CCDC33: variants seen among roughly 807,000 people sequenced by gnomAD.
CCDC33 encodes coiled-coil domain containing 33.
A neutral mutation model predicts 91.9 loss-of-function variants in CCDC33; 94 were observed. That is an observed-to-expected ratio of 1.02 (90% CI 0.87 to 1.21). The LOEUF (loss-of-function observed/expected upper bound fraction) is 1.21. CCDC33 is among the 50% of genes most tolerant of loss of function. The probability of loss-of-function intolerance (pLI) is 0.00; values close to 1 mark genes in which losing one functional copy is unlikely to be tolerated. For missense variants in CCDC33, 940 were observed against 935.5 expected, an observed-to-expected ratio of 1.00 and a Z score of -0.06; for synonymous variants, 396 against 374.5, an observed-to-expected ratio of 1.06 and a Z score of -0.66.
intron 11 of CCDC33, chr15:74,318,500 T>C: frequency 1.6e-6 from 1 of 610,956 alleles, no homozygotes; most frequent in Non-Finnish European, 2.9e-6. Flanking sequence ...TGCTTCCAGC[T>C]CAGGGCTGGG....
At chr15:74,335,488 C>T in intron 18 of CCDC33, 1 of 434,982 alleles carries the variant, frequency 2.3e-6, no homozygotes, top group Non-Finnish European at 4.2e-6. Context: ...ATTAGCACAC[C>T]CTTCTCAGAT....
chr15:74,298,457 A>G (rs1009960070), intron 11 of CCDC33, among the ~76,000 whole-genome samples: 1 of 152,214 alleles, frequency 6.6e-6, no homozygotes, highest in Non-Finnish European at 1.5e-5. Flanking sequence ...TTCTCTTAAG[A>G]ATTAAACCAA....
In CCDC33 at chr15:74,266,668, C is replaced by T; in HGVS notation, c.320-10C>T. 1.3e-6 allele frequency: 2 copies of T among 1,597,982 alleles called. No homozygotes were observed. Among genetic ancestry groups the T allele is most frequent in the Non-Finnish European group, 8.6e-7 (1 of 1,166,380 alleles). On this transcript the variant is annotated splice_polypyrimidine_tract_variant and intron_variant, in intron 3 of 18. Coordinates refer to ENST00000398814, the MANE Select transcript of CCDC33 (RefSeq NM_025055.5). Reference sequence around the variant, plus strand: ...AAAAATAAACCTGGGCTCATTTTTTCTCTTTCCAGATGTGATCCTCAAGGT... The same window carrying T: ...AAAAATAAACCTGGGCTCATTTTTTTTCTTTCCAGATGTGATCCTCAAGGT...
chr15:74,296,808 C>G (rs774798838), intron 11 of CCDC33, among the ~76,000 whole-genome samples: 31 of 152,040 alleles, frequency 2.0e-4, no homozygotes, highest in Non-Finnish European at 3.8e-4. Context: ...TTTCAGCCCT[C>G]GATGCAGAGA....
chr15:74,320,111 G>A (rs1445562170), intron 11 of CCDC33, among the ~76,000 whole-genome samples: 1 of 152,138 alleles, frequency 6.6e-6, no homozygotes, highest in African/African-American at 2.4e-5. Context: ...GGGGAACCAG[G>A]AGCAGAGACC....
At chr15:74,207,844 T>C in intron 1 of CCDC33, 1 of 1,531,882 alleles carries the variant, frequency 6.5e-7, no homozygotes, top group South Asian at 1.2e-5. Context: ...CGTGCTTAAT[T>C]CTGGCACCAG....
Position 74,268,380 on chromosome 15 carries a change from G to A in CCDC33, c.468G>A (p.Lys156=), listed in dbSNP as rs2076223352. 3.1e-6 allele frequency: 5 copies of A among 1,611,590 alleles called. No individual in the cohort carries two copies. Among genetic ancestry groups the A allele is most frequent in the Non-Finnish European group, 4.2e-6 (5 of 1,178,780 alleles). Reference sequence around the variant, plus strand: ...GGAAAGCCGATGAAGCCACTGCCAAGACCCAGTTGTACGCAACAGTCGTTC... The same window carrying A: ...GGAAAGCCGATGAAGCCACTGCCAAAACCCAGTTGTACGCAACAGTCGTTC... ...ESGKADEATA[K]TQLYATVVRK... is the part of the protein sequence containing the mutation. Residue 156 remains lysine (K), a synonymous_variant, in exon 5 of 19, where the codon AAG becomes AAA. Transcript: ENST00000398814.
At chr15:74,208,091 G>A (rs535788674) in intron 1 of CCDC33, 4 of 1,194,234 alleles carry the variant, frequency 3.3e-6, no homozygotes, top group Admixed American at 3.7e-5. Context: ...TATGAGGGTG[G>A]ACACTGGTGA....
chr15:74,273,660 G>T (rs1171770094), intron 7 of CCDC33, among the ~76,000 whole-genome samples: 2 of 150,986 alleles, frequency 1.3e-5, no homozygotes, highest in Non-Finnish European at 3.0e-5. Context: ...GTAGAGACAG[G>T]GTTTCACCAT....
chr15:74,224,127 A>G (rs2074708579), intron 2 of CCDC33, among the ~76,000 whole-genome samples: 1 of 152,092 alleles, frequency 6.6e-6, no homozygotes, highest in Admixed American at 6.5e-5. Context: ...AGGGGTGCAG[A>G]CCGGCACCAT....
At chr15:74,322,269 G>C in intron 11 of CCDC33, among the ~76,000 whole-genome samples, 1 of 152,222 alleles carries the variant, frequency 6.6e-6, no homozygotes. Flanking sequence ...CGGCACAGCA[G>C]GTCTAAGTCC....
intron 7 of CCDC33, among the ~76,000 whole-genome samples, chr15:74,278,521 G>A (rs1400303981): frequency 2.0e-5 from 3 of 152,356 alleles, no homozygotes; most frequent in Admixed American, 2.0e-4. Context: ...CCTGCTGGGA[G>A]TTATGGGCCG....
chr15:74,257,364 G>C (rs937806528), intron 2 of CCDC33, among the ~76,000 whole-genome samples: 1 of 152,194 alleles, frequency 6.6e-6, no homozygotes, highest in Non-Finnish European at 1.5e-5. Flanking sequence ...GCTGTTGTCT[G>C]GTGAAGCGGG....
At chr15:74,291,067 C>CT (rs138271715) in intron 10 of CCDC33, among the ~76,000 whole-genome samples, 8,070 of 152,304 alleles carry the variant, frequency 0.053, 562 homozygotes, top group African/African-American at 0.16. Flanking sequence ...TCTAACACCA[C>CT]TTCTGGCAAA....
chr15:74,310,935 G>C (rs2142742514), intron 11 of CCDC33, among the ~76,000 whole-genome samples: 1 of 152,354 alleles, frequency 6.6e-6, no homozygotes, highest in Admixed American at 6.5e-5. Context: ...GATGGCTGAA[G>C]CACTTTGTGA....
Position 74,330,650 on chromosome 15 carries a change from A to G in CCDC33, c.1457-13A>G, listed in dbSNP as rs371575878. ...GCTTCCTCCCTGAGCCAGCTCCCCA[A>G]CCCACCTAACAGTGTCCATGAAGCA... On this transcript the variant is annotated splice_polypyrimidine_tract_variant and intron_variant, in intron 12 of 18. Coordinates refer to ENST00000398814, the MANE Select transcript of CCDC33 (RefSeq NM_025055.5). The G allele has an allele frequency of 5.0e-6, 8 of 1,609,360 alleles. No individual in the cohort carries two copies. In the African/African-American group the frequency reaches 9.4e-5, roughly 19 times the overall value.
chr15:74,313,262 C>T (rs1057384066), intron 11 of CCDC33, among the ~76,000 whole-genome samples: 4 of 152,120 alleles, frequency 2.6e-5, no homozygotes, highest in Non-Finnish European at 4.4e-5. Context: ...TGAGAAAAGG[C>T]AGCACCTCAA....
chr15:74,236,892 C>T, intron 1 of CCDC33, 152 bp downstream of exon 1: 3 of 714,160 alleles, frequency 4.2e-6, no homozygotes, highest in Non-Finnish European at 4.7e-6. Flanking sequence ...GTGAGGTGGT[C>T]TCTGTGGCTC....
intron 5 of CCDC33, 41 bp downstream of exon 5, chr15:74,268,499 G>GGGGT: frequency 8.1e-7 from 1 of 1,236,362 alleles, no homozygotes; most frequent in Non-Finnish European, 1.2e-6. Context: ...GTGGGGGTGG[G>GGGGT]AAAGGGCCAA....
Sources: gnomAD v4.1 joint callset for allele counts (sites outside exome capture counted in the v4.1 genomes callset) on GRCh38, gnomAD v4.1.1 for gene constraint, MANE v1.5 for transcripts, NCBI Gene and HGNC (gene_info 2026-07-23, HGNC 2026-07-21) for gene names.